HSD17B4: variants seen among roughly 807,000 people sequenced by gnomAD.
HSD17B4 encodes hydroxysteroid 17-beta dehydrogenase 4, also known as peroxisomal multifunctional enzyme type 2.
In HSD17B4, 70 loss-of-function variants were observed where a neutral mutation model predicts 101.0. That is an observed-to-expected ratio of 0.69 (90% CI 0.57 to 0.85). The LOEUF is 0.85. Among genes scored for constraint, HSD17B4 ranks in the 40% least tolerant of loss-of-function variants. HSD17B4 has a pLI of 0.00. For missense variants in HSD17B4, 984 were observed against 892.4 expected, an observed-to-expected ratio of 1.10 and a Z score of -1.31; for synonymous variants, 347 against 297.1, an observed-to-expected ratio of 1.17 and a Z score of -1.73.
chr5:119,524,503 C>T (rs909326801), intron 17 of HSD17B4, among the ~76,000 whole-genome samples: 5 of 152,146 alleles, frequency 3.3e-5, no homozygotes, highest in Non-Finnish European at 5.9e-5. Context: ...AATACACTTA[C>T]TATTAGCTGT....
At chr5:119,507,806 A>C (rs1751800154) in intron 15 of HSD17B4, among the ~76,000 whole-genome samples, 1 of 151,798 alleles carries the variant, frequency 6.6e-6, no homozygotes, top group Admixed American at 6.6e-5. Flanking sequence ...AAATTTGTAC[A>C]TTTTATAAAT....
At chr5:119,455,105 A>G (rs1241069771) in intron 1 of HSD17B4, among the ~76,000 whole-genome samples, 3 of 152,266 alleles carry the variant, frequency 2.0e-5, no homozygotes, top group Non-Finnish European at 4.4e-5. Flanking sequence ...ATACAGAAAA[A>G]CAATCCAGAA....
chr5:119,492,382 C>A, intron 10 of HSD17B4: 1 of 509,532 alleles, frequency 2.0e-6, no homozygotes, highest in South Asian at 2.4e-5. Context: ...TTATTCAGAA[C>A]TGGCTATTCC....
intron 17 of HSD17B4, among the ~76,000 whole-genome samples, chr5:119,523,858 A>T (rs866790436): frequency 1.3e-5 from 2 of 152,116 alleles, no homozygotes; most frequent in Admixed American, 1.3e-4. Context: ...TAAATGAGCA[A>T]TTGAGGCTTC....
At chr5:119,452,886 C>T in intron 1 of HSD17B4, 2 of 1,525,250 alleles carry the variant, frequency 1.3e-6, no homozygotes, top group Non-Finnish European at 8.8e-7. Flanking sequence ...AGAGGAGAGG[C>T]CAGGCTGGGC....
intron 17 of HSD17B4, among the ~76,000 whole-genome samples, chr5:119,518,985 A>T (rs161856): frequency 1.0e-3 from 152 of 152,166 alleles, no homozygotes; most frequent in Non-Finnish European, 1.8e-3. Flanking sequence ...ATAATAATAA[A>T]AAAATTAGCC....
rs536223001 is a variant in HSD17B4 at position 119,472,729 on chromosome 5, C to T, written c.113-1179C>T. 1.7e-3 allele frequency among the ~76,000 whole-genome samples: 261 copies of T among 152,300 alleles called. 5 individuals carry two copies. In the South Asian group the frequency reaches 0.046, roughly 27 times the overall value. ...GATTACACGCATGAGCCACCGCGCC[C>T]GGCCCAACGTAATTGGTACTTTATA... On this transcript the variant is annotated intron_variant, in intron 2 of 23. Transcript: ENST00000510025.
intron 2 of HSD17B4, among the ~76,000 whole-genome samples, chr5:119,457,345 C>T (rs1754776984): frequency 6.6e-6 from 1 of 152,186 alleles, no homozygotes; most frequent in South Asian, 2.1e-4. Context: ...TCAGTTTGTT[C>T]AGGGAGACAC....
chr5:119,513,233 G>T (rs1752328772), intron 16 of HSD17B4, among the ~76,000 whole-genome samples: 4 of 152,142 alleles, frequency 2.6e-5, no homozygotes, highest in Admixed American at 2.6e-4. Context: ...TGAATGAAAA[G>T]CTTGGAAATG....
At chr5:119,540,880 A>T (rs940038916) in intron 23 of HSD17B4, among the ~76,000 whole-genome samples, 10 of 152,242 alleles carry the variant, frequency 6.6e-5, no homozygotes, top group East Asian at 1.9e-4. Flanking sequence ...TCTGAAATTC[A>T]GTTTCTCATC....
intron 13 of HSD17B4, among the ~76,000 whole-genome samples, chr5:119,501,317 T>C (rs1751141383): frequency 6.6e-6 from 1 of 151,156 alleles, no homozygotes; most frequent in Non-Finnish European, 1.5e-5. Context: ...CTTCTTCCTT[T>C]TTTTTTTTTT....
At chr5:119,497,901 G>A (rs908663300) in intron 12 of HSD17B4, among the ~76,000 whole-genome samples, 1 of 151,776 alleles carries the variant, frequency 6.6e-6, no homozygotes, top group Non-Finnish European at 1.5e-5. Context: ...TCCTACTTTA[G>A]TAACATTTTC....
intron 11 of HSD17B4, among the ~76,000 whole-genome samples, chr5:119,494,791 G>A (rs531205587): frequency 6.6e-5 from 10 of 151,888 alleles, no homozygotes; most frequent in African/African-American, 2.4e-4. Flanking sequence ...CTCATAGAAG[G>A]GACTTAATAA....
chr5:119,463,968 G>T (rs1755548477), intron 2 of HSD17B4, among the ~76,000 whole-genome samples: 1 of 151,992 alleles, frequency 6.6e-6, no homozygotes, highest in Non-Finnish European at 1.5e-5. Flanking sequence ...ACTGCACCTG[G>T]CCATTGAGAA....
intron 21 of HSD17B4, 75 bp downstream of exon 21, chr5:119,530,055 A>G (rs1753929946): frequency 2.4e-6 from 2 of 850,632 alleles, no homozygotes; most frequent in East Asian, 4.8e-5. Context: ...AAGAGTGGTT[A>G]GGCTACGTTA....
At position 119,530,800 on chromosome 5, in the gene HSD17B4, C is replaced by T. The variant is rs1417376127; in HGVS notation, c.1855-466C>T. 2.2e-5 allele frequency among the ~76,000 whole-genome samples: 3 copies of T among 134,216 alleles called. No homozygotes were observed. In the Admixed American group the frequency reaches 2.6e-4, roughly 11 times the overall value. 88.1% of individuals were successfully genotyped at this position (134,216 alleles called of 152,430 possible). ...CCCGGGAGGTGGAGGTTGCAGTGAGCCAAGATTGCACTACTGCATTCTAGC... is the reference window on the plus strand; with the variant it reads ...CCCGGGAGGTGGAGGTTGCAGTGAGTCAAGATTGCACTACTGCATTCTAGC... On this transcript the variant is annotated intron_variant, in intron 21 of 23. Transcript: ENST00000510025.
intron 1 of HSD17B4, among the ~76,000 whole-genome samples, chr5:119,455,406 A>G (rs1467903722): frequency 6.6e-6 from 1 of 151,948 alleles, no homozygotes; most frequent in Non-Finnish European, 1.5e-5. Context: ...AGTCCCAGCT[A>G]CTCGCGAGGC....
intron 1 of HSD17B4, among the ~76,000 whole-genome samples, chr5:119,454,964 TTTG>T (rs1754456826): frequency 1.3e-5 from 2 of 152,242 alleles, no homozygotes; most frequent in Non-Finnish European, 2.9e-5. Context: ...TGTATCTCAG[TTTG>T]TTATTTGTAT....
intron 2 of HSD17B4, among the ~76,000 whole-genome samples, chr5:119,458,345 ATT>A (rs535781631): frequency 6.4e-5 from 9 of 140,426 alleles, no homozygotes; most frequent in Non-Finnish European, 9.4e-5. Context: ...ACACACACTA[ATT>A]TTTTTTTTTT....
Sources: allele counts gnomAD v4.1 joint callset (sites outside exome capture counted in the v4.1 genomes callset), GRCh38; gene constraint gnomAD v4.1.1; transcripts MANE v1.5; gene names NCBI Gene and HGNC (gene_info 2026-07-23, HGNC 2026-07-21).